The following ARHGEF25 variants were observed in gnomAD, a reference collection of about 807,000 sequenced individuals.
ARHGEF25 encodes the protein Rho guanine nucleotide exchange factor 25, also known as RAC/CDC42 exchange factor.
Under a neutral mutation model 74.0 loss-of-function variants are expected in ARHGEF25, and 42 were observed. That is an observed-to-expected ratio of 0.57 (90% CI 0.44 to 0.73). ARHGEF25 has a LOEUF of 0.73. Ranked by LOEUF, ARHGEF25 falls within the 30% of genes least tolerant of loss-of-function variation. The pLI, the probability that ARHGEF25 is intolerant of heterozygous loss-of-function variation, is 0.00. For missense variants in ARHGEF25, 645 were observed against 725.5 expected (o/e 0.89, Z 1.27); for synonymous variants, 293 against 278.6 (o/e 1.05, Z -0.51).
At chr12:57,612,546 C>T in intron 1 of ARHGEF25, 1 of 250,730 alleles carries the variant, frequency 4.0e-6, no homozygotes, top group Non-Finnish European at 6.8e-6. Context: ...CCCAGCTCAT[C>T]CTCCCCTCTT....
Position 57,611,682 on chromosome 12 carries a change from C to G in ARHGEF25, c.-213C>G. 8.8e-7 allele frequency: 1 copy of G among 1,134,184 alleles called. No individual in the cohort carries two copies. The highest frequency in any genetic ancestry group is 1.6e-5 in the African/African-American group (1 of 61,546). 70.3% of individuals were successfully genotyped at this position (1,134,184 alleles called of 1,614,324 possible). On this transcript the variant is annotated 5_prime_UTR_variant, in exon 1 of 15. Transcript: ENST00000286494. The surrounding 1 kb of genome is among the most constrained non-coding windows in gnomAD (Gnocchi z 4.5). ...CCCAGCCCGGCGGCCGGGCCCCGCG[C>G]CTCTCTCTCTCTAGAGCCCCCAGCC...
upstream of ARHGEF25, chr12:57,610,333 C>A: frequency 1.8e-6 from 2 of 1,130,190 alleles, no homozygotes; most frequent in South Asian, 2.1e-5. Flanking sequence ...TGGGGGCTCG[C>A]GGTGGGGTCG....
chr12:57,610,176 C>A (rs1289449299), upstream of ARHGEF25: 3 of 1,244,762 alleles, frequency 2.4e-6, no homozygotes, highest in South Asian at 2.7e-5. Flanking sequence ...AGCTTCAGTG[C>A]CCCCTCGACC....
At chr12:57,610,790 T>G, upstream of ARHGEF25, 1 of 914,426 alleles carries the variant, frequency 1.1e-6, no homozygotes, top group Non-Finnish European at 1.6e-6. Flanking sequence ...CTAATTTGCA[T>G]GAGACCCATT....
At position 57,615,501 on chromosome 12, in the gene ARHGEF25, T is replaced by C; in HGVS notation, c.1039-11T>C. ...GTTCTTTTTCCAAGGCCACTATCCT[T>C]TTGGTTTCAGGGCAAACTGACTGCT... On this transcript the variant is annotated splice_polypyrimidine_tract_variant and intron_variant, in intron 11 of 14. Transcript: ENST00000286494. 6.2e-7 allele frequency: 1 copy of C among 1,613,952 alleles called. No individual in the cohort carries two copies. The highest frequency in any genetic ancestry group is 8.5e-7 in the Non-Finnish European group (1 of 1,179,966).
chr12:57,615,717 GGA>G lies in ARHGEF25; in HGVS notation c.1239+8_1239+9del, dbSNP rs1202268591. The stretch of plus-strand genomic sequence containing the variant: ...GTATACAAGAACAGCATTAAGGTGG[GGA>G]GAAGGCCACGAGGGAGGGCTTGGAG... On this transcript the variant is annotated splice_donor_region_variant and intron_variant, in intron 12 of 14. Coordinates refer to ENST00000286494, the MANE Select transcript of ARHGEF25 (RefSeq NM_182947.4). 6.2e-7 allele frequency: 1 copy of G among 1,614,172 alleles called. No homozygotes were observed. The highest frequency in any genetic ancestry group is 1.7e-5 in the Admixed American group (1 of 60,024).
chr12:57,611,245 C>T (rs57989706), upstream of ARHGEF25, among the ~76,000 whole-genome samples: 927 of 152,242 alleles, frequency 6.1e-3, 11 homozygotes, highest in African/African-American at 0.021. The surrounding 1 kb of genome is among the most constrained non-coding windows in gnomAD (Gnocchi z 4.5). Flanking sequence ...GGGAGGGGGA[C>T]CCCGGGGCAG....
Position 57,614,616 on chromosome 12 carries a change from G to T in ARHGEF25, c.816+11G>T, listed in dbSNP as rs192913856. The T allele has an allele frequency of 6.2e-7, 1 of 1,614,130 alleles. No homozygotes were observed. On this transcript the variant is annotated intron_variant, in intron 8 of 14. Coordinates refer to ENST00000286494, the MANE Select transcript of ARHGEF25 (RefSeq NM_182947.4). The surrounding 1 kb of genome is among the most constrained non-coding windows in gnomAD (Gnocchi z 4.6). ...GACAGCTACTTTGAGGTCAGTAGCT[G>T]AGATGTCTTGGTGGGAAGGAGGACA...
In ARHGEF25 at chr12:57,614,812, C is replaced by T; in HGVS notation, c.909+31C>T. The T allele has an allele frequency of 6.3e-7, 1 of 1,588,840 alleles. No homozygotes were observed. The highest frequency in any genetic ancestry group is 2.0e-4 in the Middle Eastern group (1 of 4,968). ...GACCCCCTTTTTCCTGGGGGCACAGCTGGCTGGCACAGCTGTTTCCTCATT... is the reference window on the plus strand; with the variant it reads ...GACCCCCTTTTTCCTGGGGGCACAGTTGGCTGGCACAGCTGTTTCCTCATT... On this transcript the variant is annotated intron_variant, in intron 9 of 14. Coordinates refer to ENST00000286494, the MANE Select transcript of ARHGEF25 (RefSeq NM_182947.4). The surrounding 1 kb of genome is among the most constrained non-coding windows in gnomAD (Gnocchi z 4.6).
At chr12:57,610,147 G>A, upstream of ARHGEF25, 3 of 820,764 alleles carry the variant, frequency 3.7e-6, no homozygotes, top group Non-Finnish European at 5.8e-6. Context: ...CCGGACGCGC[G>A]CAGGCCTCAA....
At chr12:57,613,549 C>T (rs1319642049) in intron 4 of ARHGEF25, 33 bp downstream of exon 4, 16 of 1,613,506 alleles carry the variant, frequency 9.9e-6, no homozygotes, top group Non-Finnish European at 1.4e-5. Flanking sequence ...TGCAGTTGCA[C>T]AACTTCCAGA....
chr12:57,613,013 G>A lies in ARHGEF25; in HGVS notation c.181G>A (p.Gly61Ser). The A allele has an allele frequency of 3.7e-6, 6 of 1,614,112 alleles. No individual in the cohort carries two copies. The highest frequency in any genetic ancestry group is 5.1e-6 in the Non-Finnish European group (6 of 1,180,010). Reference sequence around the variant, plus strand: ...GGCTGCCCCCTCTGGCCCCAGCTCTGGCCTCAGCTCTGGCCCCTGTTCCCC... The same window carrying A: ...GGCTGCCCCCTCTGGCCCCAGCTCTAGCCTCAGCTCTGGCCCCTGTTCCCC... Reference protein sequence around the residue: ...GLAAPSGPSSGLSSGPCSPGP... With the variant: ...GLAAPSGPSSSLSSGPCSPGP... The change falls in exon 2 of 15, where the codon GGC becomes AGC. Residue 61 changes from glycine to serine, a missense_variant. Gly to Ser is a moderately conservative substitution (Grantham distance 56). Around this residue, in one of 3 missense-constraint regions of ARHGEF25, gnomAD observed 189 missense variants for 199.1 expected, o/e 0.95. Transcript: ENST00000286494.
rs1330160863 is a variant in ARHGEF25 at position 57,611,501 on chromosome 12, C to T, written c.-394C>T. ...GCTCGGGGGTCGGCCCTCGCCTCCT[C>T]CCCGGCCCGGGCCTAGAGCCACCCC... On this transcript the variant is annotated 5_prime_UTR_variant, in exon 1 of 15. Transcript: ENST00000286494. The surrounding 1 kb of genome is among the most constrained non-coding windows in gnomAD (Gnocchi z 4.5). 1.4e-5 allele frequency: 14 copies of T among 986,236 alleles called. No individual in the cohort carries two copies. The highest frequency in any genetic ancestry group is 1.1e-4 in the East Asian group (1 of 8,868). 61.1% of individuals were successfully genotyped at this position (986,236 alleles called of 1,614,324 possible).
upstream of ARHGEF25, chr12:57,610,813 C>T: frequency 1.4e-6 from 1 of 715,876 alleles, no homozygotes; most frequent in Admixed American, 3.2e-5. Context: ...ATCGCAGAGA[C>T]CTCCACTCTT....
chr12:57,613,964 G>A, intron 5 of ARHGEF25, 52 bp from the exon 6 acceptor site: 1 of 1,571,892 alleles, frequency 6.4e-7, no homozygotes, highest in Non-Finnish European at 8.8e-7. Flanking sequence ...GCACCATTAA[G>A]GTGGGGAGAG....
At position 57,616,954 on chromosome 12, in the gene ARHGEF25, G is replaced by A; in HGVS notation, c.*60G>A. Reference sequence around the variant, plus strand: ...CGCCTATTCCCCAAGGAGCTTCAGGGCAGTCCTTCTGGCACTGCTCCAGAA... The same window carrying A: ...CGCCTATTCCCCAAGGAGCTTCAGGACAGTCCTTCTGGCACTGCTCCAGAA... On this transcript the variant is annotated 3_prime_UTR_variant, in exon 15 of 15. Transcript: ENST00000286494. 4 of 1,353,738 alleles carry A rather than the reference G, an allele frequency of 3.0e-6. No individual in the cohort carries two copies. The South Asian group carries it at 3.5e-5, about 12-fold the overall frequency. 83.9% of individuals were successfully genotyped at this position (1,353,738 alleles called of 1,614,324 possible).
In ARHGEF25 at chr12:57,614,507, C is replaced by G; in HGVS notation, c.727-9C>G. 6.2e-7 allele frequency: 1 copy of G among 1,614,042 alleles called. No homozygotes were observed. The highest frequency in any genetic ancestry group is 8.5e-7 in the Non-Finnish European group (1 of 1,180,018). ...CACCCTGCTCTCTCTTAAACATTACCCCTGTTAGGAGCGCCGGCTGCATAT... is the reference window on the plus strand; with the variant it reads ...CACCCTGCTCTCTCTTAAACATTACGCCTGTTAGGAGCGCCGGCTGCATAT... On this transcript the variant is annotated splice_polypyrimidine_tract_variant and intron_variant, in intron 7 of 14. Coordinates refer to ENST00000286494, the MANE Select transcript of ARHGEF25 (RefSeq NM_182947.4). The surrounding 1 kb of genome is among the most constrained non-coding windows in gnomAD (Gnocchi z 4.6).
intron 11 of ARHGEF25, 97 bp from the exon 12 acceptor site, chr12:57,615,415 C>T: frequency 1.3e-6 from 2 of 1,591,682 alleles, no homozygotes; most frequent in Non-Finnish European, 1.7e-6. Context: ...TGGGGCTGAC[C>T]CCATGGTTGG....
At position 57,614,268 on chromosome 12, in the gene ARHGEF25, G is replaced by A; in HGVS notation, c.657-63G>A. Reference sequence around the variant, plus strand: ...AGGGCAGACAGCTCGAAACTGCTGGGAGTGGGCGAGGTGGGGGTTGTGAAA... The same window carrying A: ...AGGGCAGACAGCTCGAAACTGCTGGAAGTGGGCGAGGTGGGGGTTGTGAAA... On this transcript the variant is annotated intron_variant, in intron 6 of 14. Transcript: ENST00000286494. The surrounding 1 kb of genome is among the most constrained non-coding windows in gnomAD (Gnocchi z 4.6). 6.3e-7 allele frequency: 1 copy of A among 1,598,928 alleles called. No individual in the cohort carries two copies. Among genetic ancestry groups the A allele is most frequent in the South Asian group, 1.1e-5 (1 of 90,728 alleles).
Sources: allele counts gnomAD v4.1 joint callset (sites outside exome capture counted in the v4.1 genomes callset), GRCh38; gene constraint gnomAD v4.1.1; regional missense constraint gnomAD v4.1.1; non-coding constraint Gnocchi (gnomAD v3.1); transcripts MANE v1.5; gene names NCBI Gene and HGNC (gene_info 2026-07-23, HGNC 2026-07-21).